COX10: variants seen among roughly 807,000 people sequenced by gnomAD.
COX10 encodes the protein cytochrome c oxidase assembly factor heme A:farnesyltransferase COX10.
Under a neutral mutation model 37.3 loss-of-function variants are expected in COX10, and 27 were observed. That is an observed-to-expected ratio of 0.72 (90% CI 0.53 to 1.00). COX10 has a LOEUF of 1.00. Ranked by LOEUF, COX10 falls within the 50% of genes least tolerant of loss-of-function variation. The pLI is 0.00. For synonymous variants in COX10, 222 were observed against 229.1 expected (o/e 0.97, Z 0.28); for missense variants, 475 against 563.2 (o/e 0.84, Z 1.59).
chr17:14,160,940 G>A (rs1451285684), intron 5 of COX10, among the ~76,000 whole-genome samples: 1 of 152,052 alleles, frequency 6.6e-6, no homozygotes, highest in Non-Finnish European at 1.5e-5. Context: ...CTGTTTTAGA[G>A]GGGAAAATGC....
intron 4 of COX10, among the ~76,000 whole-genome samples, chr17:14,143,572 A>G (rs1201102516): frequency 6.6e-6 from 1 of 152,162 alleles, no homozygotes; most frequent in African/African-American, 2.4e-5. Context: ...TGCTTAGGTA[A>G]TATAGTAGAA....
At chr17:14,150,717 G>A (rs2142232859) in intron 4 of COX10, among the ~76,000 whole-genome samples, 1 of 152,304 alleles carries the variant, frequency 6.6e-6, no homozygotes, top group South Asian at 2.1e-4. Context: ...AGTAATCACT[G>A]TGTCCAGGAG....
chr17:14,076,790 C>G lies in COX10; in HGVS notation c.233C>G (p.Pro78Arg), dbSNP rs1419380799. ...HNQQVRPKPE[P>R]VASPFLEKTS... ...CAGCAAGTAAGACCCAAGCCAGAACCAGTAGCATCTCCTTTCCTTGAAAAA... is the reference window on the plus strand; with the variant it reads ...CAGCAAGTAAGACCCAAGCCAGAACGAGTAGCATCTCCTTTCCTTGAAAAA... Residue 78 changes from proline to arginine, a missense_variant, in exon 3 of 7, where the codon CCA (proline) becomes CGA (arginine). By Grantham distance (103) the Pro-to-Arg change is moderately radical. Transcript: ENST00000261643. The G allele has an allele frequency of 3.1e-6, 5 of 1,614,044 alleles. No individual in the cohort carries two copies. Among genetic ancestry groups the G allele is most frequent in the Middle Eastern group, 1.6e-4 (1 of 6,084 alleles).
chr17:14,113,832 A>G (rs970970817), intron 4 of COX10, among the ~76,000 whole-genome samples: 2 of 152,190 alleles, frequency 1.3e-5, no homozygotes, highest in African/African-American at 2.4e-5. Context: ...TAATTGTGAT[A>G]GAGTAACACA....
At chr17:14,110,986 G>A (rs143871596) in intron 4 of COX10, among the ~76,000 whole-genome samples, 3 of 152,206 alleles carry the variant, frequency 2.0e-5, no homozygotes, top group Admixed American at 6.6e-5. Flanking sequence ...ATAGGAATTG[G>A]GATGTCAGAG....
intron 5 of COX10, among the ~76,000 whole-genome samples, chr17:14,186,869 C>CA (rs1335878718): frequency 6.6e-6 from 1 of 151,960 alleles, no homozygotes; most frequent in Non-Finnish European, 1.5e-5. Context: ...ACTGATGAGC[C>CA]AACAAATGAG....
At chr17:14,198,037 T>C (rs1906419673) in intron 6 of COX10, among the ~76,000 whole-genome samples, 1 of 152,234 alleles carries the variant, frequency 6.6e-6, no homozygotes, top group African/African-American at 2.4e-5. Flanking sequence ...TTAAAAATGC[T>C]TCCTAGCTAA....
At chr17:14,136,791 G>A (rs1904385742) in intron 4 of COX10, among the ~76,000 whole-genome samples, 1 of 152,010 alleles carries the variant, frequency 6.6e-6, no homozygotes, top group Admixed American at 6.6e-5. Flanking sequence ...ATTTGCATGT[G>A]ATAATTGCCT....
At chr17:14,111,104 T>C (rs1309708722) in intron 4 of COX10, among the ~76,000 whole-genome samples, 1 of 152,138 alleles carries the variant, frequency 6.6e-6, no homozygotes, top group East Asian at 1.9e-4. Context: ...TAACTAGTAA[T>C]AGAGCTCCAG....
intron 4 of COX10, among the ~76,000 whole-genome samples, chr17:14,133,047 T>G (rs1020183819): frequency 6.6e-6 from 1 of 151,678 alleles, no homozygotes; most frequent in African/African-American, 2.4e-5. Context: ...TTACAGCTTG[T>G]TTAGAAATGT....
chr17:14,157,322 G>A (rs186298181), intron 4 of COX10, among the ~76,000 whole-genome samples: 2 of 152,276 alleles, frequency 1.3e-5, no homozygotes, highest in East Asian at 3.9e-4. Context: ...TAAGGAAATT[G>A]TATGGACTGA....
At chr17:14,140,410 C>T (rs534126615) in intron 4 of COX10, among the ~76,000 whole-genome samples, 1 of 151,994 alleles carries the variant, frequency 6.6e-6, no homozygotes, top group Non-Finnish European at 1.5e-5. Context: ...TTTAATCATT[C>T]CTTTAGTATT....
chr17:14,200,558 A>C (rs1163318746), intron 6 of COX10, among the ~76,000 whole-genome samples: 1 of 152,174 alleles, frequency 6.6e-6, no homozygotes, highest in East Asian at 1.9e-4. Flanking sequence ...GGAGGGAAGT[A>C]ACGATGCCCT....
At chr17:14,080,219 CTTTTTTTTTTTT>C (rs71147840) in intron 3 of COX10, among the ~76,000 whole-genome samples, 3 of 102,708 alleles carry the variant, frequency 2.9e-5, no homozygotes, top group Non-Finnish European at 3.9e-5. Flanking sequence ...ATTAGACTTT[CTTTTTTTTTTTT>C]TTTTTTTTTT....
At chr17:14,197,194 G>T (rs1299079896) in intron 6 of COX10, among the ~76,000 whole-genome samples, 2 of 149,934 alleles carry the variant, frequency 1.3e-5, no homozygotes, top group African/African-American at 2.4e-5. Flanking sequence ...AAAACACTGT[G>T]CATTTGAGGC....
intron 3 of COX10, among the ~76,000 whole-genome samples, chr17:14,092,401 A>C (rs1412831183): frequency 6.6e-6 from 1 of 152,108 alleles, no homozygotes; most frequent in Admixed American, 6.5e-5. Flanking sequence ...ATTGTATGAA[A>C]AATAAGAAAG....
intron 3 of COX10, among the ~76,000 whole-genome samples, chr17:14,096,936 C>T (rs998312205): frequency 2.0e-5 from 3 of 152,074 alleles, no homozygotes; most frequent in Non-Finnish European, 2.9e-5. Flanking sequence ...ATTACTCTCC[C>T]ATGGGCTCCC....
intron 5 of COX10, among the ~76,000 whole-genome samples, chr17:14,160,438 A>C (rs1905149399): frequency 6.6e-6 from 1 of 152,186 alleles, no homozygotes; most frequent in African/African-American, 2.4e-5. Flanking sequence ...AACATCACTA[A>C]TGGTTAATAA....
chr17:14,157,777 C>T (rs146278731), intron 4 of COX10, among the ~76,000 whole-genome samples: 3 of 152,202 alleles, frequency 2.0e-5, no homozygotes, highest in African/African-American at 7.2e-5. Flanking sequence ...CACTCTTGGG[C>T]TGCAGCAGTG....
Sources: allele counts gnomAD v4.1 joint callset (sites outside exome capture counted in the v4.1 genomes callset), GRCh38; gene constraint gnomAD v4.1.1; transcripts MANE v1.5; gene names NCBI Gene and HGNC (gene_info 2026-07-23, HGNC 2026-07-21).